Variants in ADAMTS6 observed in about 807,000 individuals in gnomAD.
ADAMTS6 encodes the protein ADAM metallopeptidase with thrombospondin type 1 motif 6, also known as A disintegrin and metalloproteinase with thrombospondin motifs 6.
In ADAMTS6, 23 loss-of-function variants were observed where a neutral mutation model predicts 144.3. The observed-to-expected ratio is 0.16, with a 90% CI of 0.11 to 0.23. The LOEUF (loss-of-function observed/expected upper bound fraction) is 0.23. Ranked by LOEUF, ADAMTS6 falls within the 10% of genes least tolerant of loss-of-function variation. The pLI is 1.00. For missense variants in ADAMTS6, 999 were observed against 1,379.6 expected, an observed-to-expected ratio of 0.72 and a Z score of 4.37; for synonymous variants, 444 against 457.5, an observed-to-expected ratio of 0.97 and a Z score of 0.38.
chr5:65,357,823 A>C (rs1169020968), intron 7 of ADAMTS6, among the ~76,000 whole-genome samples: 1 of 152,002 alleles, frequency 6.6e-6, no homozygotes, highest in South Asian at 2.1e-4. Flanking sequence ...ATAATGTAAA[A>C]GGAGATCAAA....
At chr5:65,287,828 C>T (rs1040772760) in intron 11 of ADAMTS6, among the ~76,000 whole-genome samples, 5 of 152,054 alleles carry the variant, frequency 3.3e-5, no homozygotes, top group African/African-American at 9.7e-5. Context: ...CCGTGCCTGG[C>T]CAATAATTAT....
At chr5:65,289,849 CAG>C (rs1742114347) in intron 11 of ADAMTS6, among the ~76,000 whole-genome samples, 1 of 152,196 alleles carries the variant, frequency 6.6e-6, no homozygotes, top group African/African-American at 2.4e-5. Context: ...AATAATCTAA[CAG>C]AAATTTTCTA....
intron 7 of ADAMTS6, among the ~76,000 whole-genome samples, chr5:65,335,976 A>T (rs1221380159): frequency 6.6e-6 from 1 of 152,172 alleles, no homozygotes; most frequent in Non-Finnish European, 1.5e-5. Flanking sequence ...TTCCAAGAAA[A>T]GAATAGAGTA....
rs572426033 is a variant in ADAMTS6 at position 65,175,252 on chromosome 5, G to A, written c.2911-2244C>T. On this transcript the variant is annotated intron_variant, in intron 22 of 24. Coordinates refer to ENST00000381055, the MANE Select transcript of ADAMTS6 (RefSeq NM_197941.4). ...AGAGGAAGAGACAGAGAGACAAAGA[G>A]GGAGTCAAGGAGAGAGAGAGAGAGA... Among the ~76,000 whole-genome samples, 187 of 150,468 alleles carry A rather than the reference G, an allele frequency of 1.2e-3. 1 individual carries two copies. Among genetic ancestry groups the A allele is most frequent in the African/African-American group, 4.4e-3 (178 of 40,074 alleles).
chr5:65,396,395 G>A (rs1447104449), intron 7 of ADAMTS6, among the ~76,000 whole-genome samples: 1 of 152,104 alleles, frequency 6.6e-6, no homozygotes, highest in Non-Finnish European at 1.5e-5. Flanking sequence ...TTGATTATGC[G>A]ATAAGAAAGA....
intron 7 of ADAMTS6, among the ~76,000 whole-genome samples, chr5:65,372,670 AC>A (rs1719164544): frequency 6.6e-6 from 1 of 152,088 alleles, no homozygotes. Flanking sequence ...AGACTTTAAC[AC>A]CCCACTGTCA....
chr5:65,358,372 G>C (rs1749535151), intron 7 of ADAMTS6, among the ~76,000 whole-genome samples: 1 of 151,882 alleles, frequency 6.6e-6, no homozygotes, highest in Admixed American at 6.6e-5. Flanking sequence ...ATTGAGTGGG[G>C]AAAAGGTGAA....
intron 9 of ADAMTS6, among the ~76,000 whole-genome samples, chr5:65,317,828 C>T (rs1458179760): frequency 6.6e-6 from 1 of 152,090 alleles, no homozygotes; most frequent in Non-Finnish European, 1.5e-5. Context: ...AATCCCAGCA[C>T]TTTGGGAGGC....
intron 22 of ADAMTS6, among the ~76,000 whole-genome samples, chr5:65,184,578 CATTT>C (rs1216337689): frequency 6.6e-6 from 1 of 152,110 alleles, no homozygotes; most frequent in Non-Finnish European, 1.5e-5. Flanking sequence ...TCAAATAAAC[CATTT>C]TGATACATCA....
chr5:65,261,394 T>G (rs1761181164), intron 13 of ADAMTS6, among the ~76,000 whole-genome samples: 1 of 152,190 alleles, frequency 6.6e-6, no homozygotes, highest in African/African-American at 2.4e-5. Flanking sequence ...TAAAAACAAC[T>G]AATTTCTTCT....
At chr5:65,436,561 C>T (rs1024654225) in intron 7 of ADAMTS6, among the ~76,000 whole-genome samples, 10 of 152,188 alleles carry the variant, frequency 6.6e-5, no homozygotes, top group African/African-American at 1.7e-4. Context: ...CTTGGCCGGG[C>T]GCAGTGGCTC....
intron 1 of ADAMTS6, among the ~76,000 whole-genome samples, chr5:65,478,493 G>T (rs1207313184): frequency 6.6e-6 from 1 of 152,160 alleles, no homozygotes; most frequent in African/African-American, 2.4e-5. Context: ...CCATGATATT[G>T]ATGTCTATCT....
At chr5:65,302,372 T>C (rs1360107424) in intron 9 of ADAMTS6, among the ~76,000 whole-genome samples, 1 of 146,710 alleles carries the variant, frequency 6.8e-6, no homozygotes, top group Non-Finnish European at 1.5e-5. Context: ...TATATGTAAA[T>C]ATATATTATA....
chr5:65,336,291 G>C (rs1186389104), intron 7 of ADAMTS6, among the ~76,000 whole-genome samples: 3 of 152,056 alleles, frequency 2.0e-5, no homozygotes, highest in African/African-American at 4.8e-5. Context: ...AACTCTTTCA[G>C]CTATGCCTGT....
intron 8 of ADAMTS6, among the ~76,000 whole-genome samples, chr5:65,333,021 A>C (rs1430972980): frequency 6.6e-6 from 1 of 152,174 alleles, no homozygotes; most frequent in Non-Finnish European, 1.5e-5. Flanking sequence ...TATTTCACTG[A>C]ACTTCCCAGG....
At chr5:65,323,047 A>G (rs1398009920) in intron 9 of ADAMTS6, among the ~76,000 whole-genome samples, 2 of 152,170 alleles carry the variant, frequency 1.3e-5, no homozygotes, top group Non-Finnish European at 2.9e-5. Context: ...CTTTATTCTG[A>G]TACCAAAACT....
intron 20 of ADAMTS6, among the ~76,000 whole-genome samples, chr5:65,207,964 C>T (rs1756232363): frequency 6.6e-6 from 1 of 152,216 alleles, no homozygotes; most frequent in South Asian, 2.1e-4. Flanking sequence ...AAATGATCCA[C>T]CAAGTGAAGG....
At chr5:65,319,158 G>A (rs1008873759) in intron 9 of ADAMTS6, among the ~76,000 whole-genome samples, 2 of 151,860 alleles carry the variant, frequency 1.3e-5, no homozygotes, top group African/African-American at 2.4e-5. Context: ...AATCACACAC[G>A]AAAAATTTTT....
rs1752012878 is a variant in ADAMTS6 at position 65,149,323 on chromosome 5, G to A, written c.*2513C>T. 6.6e-6 allele frequency: 1 copy of A among 152,276 alleles called. No homozygotes were observed. 9.4% of individuals were successfully genotyped at this position (152,276 alleles called of 1,614,324 possible). On this transcript the variant is annotated 3_prime_UTR_variant, in exon 25 of 25. Transcript: ENST00000381055. ...ATGTAGCCATGGGGGTGGCTACAGA[G>A]TAGCAGCAGTATTGTGATGTGCTAT...
Sources: allele counts gnomAD v4.1 joint callset (sites outside exome capture counted in the v4.1 genomes callset), GRCh38; gene constraint gnomAD v4.1.1; transcripts MANE v1.5; gene names NCBI Gene and HGNC (gene_info 2026-07-23, HGNC 2026-07-21).